ZNF808: variants seen among roughly 807,000 people sequenced by gnomAD.
ZNF808 encodes zinc finger protein 808.
Under a neutral mutation model 8.7 loss-of-function variants are expected in ZNF808, and 5 were observed. That is an observed-to-expected ratio of 0.58 (90% CI 0.30 to 1.21). ZNF808 has a LOEUF of 1.21. Among genes scored for constraint, ZNF808 ranks in the 50% most tolerant of loss-of-function variants. The pLI is 0.07. For missense variants in ZNF808, 1,103 were observed against 1,098.4 expected (o/e 1.00, Z -0.06); for synonymous variants, 380 against 366.0 (o/e 1.04, Z -0.44).
At chr19:52,538,350 T>G (rs2450871) in intron 2 of ZNF808, among the ~76,000 whole-genome samples, 1 of 152,080 alleles carries the variant, frequency 6.6e-6, no homozygotes, top group South Asian at 2.1e-4. Context: ...ATTATTATTA[T>G]TAGTTTTTTG....
Position 52,554,520 on chromosome 19 carries a change from T to C in ZNF808, c.1604T>C (p.Leu535Pro), listed in dbSNP as rs1229675054. The stretch of plus-strand genomic sequence containing the variant: ...GTATACCATCGTAGACTTCACACTC[T>C]AGAGAAATCTTACAAATGTACGGTT... ...SLVYHRRLHT[L>P]EKSYKCTVCN... Residue 535 changes from leucine to proline, a missense_variant, in exon 5 of 5, where the codon CTA becomes CCA. Physicochemically the swap from Leu to Pro is moderately conservative, Grantham distance 98 (BLOSUM62 -3). Coordinates refer to ENST00000359798, the MANE Select transcript of ZNF808 (RefSeq NM_001039886.4). The C allele has an allele frequency of 5.6e-6, 9 of 1,613,930 alleles. No individual in the cohort carries two copies. Among genetic ancestry groups the C allele is most frequent in the Non-Finnish European group, 7.6e-6 (9 of 1,179,990 alleles).
Position 52,543,336 on chromosome 19 carries a change from G to A in ZNF808, c.52G>A (p.Ala18Thr), listed in dbSNP as rs2059690813. 3.1e-6 allele frequency: 5 copies of A among 1,613,206 alleles called. No individual in the cohort carries two copies. Among genetic ancestry groups the A allele is most frequent in the Non-Finnish European group, 4.2e-6 (5 of 1,179,774 alleles). Reference sequence around the variant, plus strand: ...GAGGAAAGGAAAGGAGTCAGGCATGGCTCTTCCTCAGGTGAAGTGATATTC... The same window carrying A: ...GAGGAAAGGAAAGGAGTCAGGCATGACTCTTCCTCAGGTGAAGTGATATTC... ...QKRKGKESGM[A>T]LPQGRLTFRD... Residue 18 changes from alanine (A) to threonine (T), a missense_variant, in exon 3 of 5, where the codon GCT (alanine) becomes ACT (threonine). By Grantham distance (58) the Ala-to-Thr change is moderately conservative (BLOSUM62 0). Transcript: ENST00000359798.
chr19:52,540,408 A>G (rs2059659388), intron 2 of ZNF808, among the ~76,000 whole-genome samples: 1 of 152,102 alleles, frequency 6.6e-6, no homozygotes, highest in Admixed American at 6.6e-5. Flanking sequence ...TTGTTTCTCT[A>G]TGAAATTTTT....
downstream of ZNF808, among the ~76,000 whole-genome samples, chr19:52,557,371 A>G (rs2059841691): frequency 6.6e-6 from 1 of 151,636 alleles, no homozygotes; most frequent in African/African-American, 2.4e-5. Context: ...GGTTCAAGGC[A>G]TTCTCCTGCC....
chr19:52,564,014 G>T, exon 4 of ZNF808: 1 of 481,530 alleles, frequency 2.1e-6, no homozygotes, highest in Non-Finnish European at 3.8e-6. Flanking sequence ...CAAACAAAAA[G>T]GTCTAGCCCC....
intron 4 of ZNF808, among the ~76,000 whole-genome samples, chr19:52,548,886 G>A (rs2059748537): frequency 6.6e-6 from 1 of 152,172 alleles, no homozygotes; most frequent in South Asian, 2.1e-4. Context: ...GGAAGGCTGA[G>A]GTGGGTGAAT....
Sources: gnomAD v4.1 joint callset for allele counts (sites outside exome capture counted in the v4.1 genomes callset) on GRCh38, gnomAD v4.1.1 for gene constraint, MANE v1.5 for transcripts, NCBI Gene and HGNC (gene_info 2026-07-23, HGNC 2026-07-21) for gene names.